The following HS6ST3 variants were observed in gnomAD, a reference collection of about 807,000 sequenced individuals.
The protein encoded by HS6ST3 is heparan sulfate 6-O-sulfotransferase 3.
In HS6ST3, 12 loss-of-function variants were observed where a neutral mutation model predicts 36.7. The ratio of observed to expected loss-of-function variants is 0.33; its 90% confidence interval spans 0.21 to 0.53. HS6ST3 has a LOEUF of 0.53. Among genes scored for constraint, HS6ST3 ranks in the 20% least tolerant of loss-of-function variants. The pLI is 0.95. For missense variants in HS6ST3, 584 were observed against 640.9 expected, an observed-to-expected ratio of 0.91 and a Z score of 0.96; for synonymous variants, 240 against 257.5, an observed-to-expected ratio of 0.93 and a Z score of 0.65.
chr13:96,105,641 TTC>T (rs987965708), intron 1 of HS6ST3, among the ~76,000 whole-genome samples: 7 of 152,062 alleles, frequency 4.6e-5, no homozygotes, highest in African/African-American at 1.7e-4. Context: ...CAGAGTGAAT[TTC>T]TGTCTCAAAA....
intron 1 of HS6ST3, among the ~76,000 whole-genome samples, chr13:96,517,700 G>T (rs1230929552): frequency 2.0e-5 from 3 of 151,980 alleles, no homozygotes; most frequent in African/African-American, 7.3e-5. Flanking sequence ...TAATCACTCA[G>T]GTACTAAGCC....
intron 1 of HS6ST3, among the ~76,000 whole-genome samples, chr13:96,424,195 A>G (rs1463298082): frequency 1.3e-5 from 2 of 152,198 alleles, no homozygotes; most frequent in East Asian, 1.9e-4. Flanking sequence ...AAAGCATGGA[A>G]TATTTCCAAT....
At chr13:96,179,233 A>G (rs1487110946) in intron 1 of HS6ST3, among the ~76,000 whole-genome samples, 1 of 152,198 alleles carries the variant, frequency 6.6e-6, no homozygotes, top group Non-Finnish European at 1.5e-5. Context: ...TTTTTAACAG[A>G]TGGGACCCCA....
At chr13:96,463,706 T>C (rs888112534) in intron 1 of HS6ST3, among the ~76,000 whole-genome samples, 7 of 151,944 alleles carry the variant, frequency 4.6e-5, no homozygotes, top group African/African-American at 1.7e-4. Flanking sequence ...AAATAACTAG[T>C]AGGCAGATTA....
intron 1 of HS6ST3, among the ~76,000 whole-genome samples, chr13:96,375,724 G>T (rs1490792116): frequency 6.6e-6 from 1 of 152,222 alleles, no homozygotes; most frequent in Non-Finnish European, 1.5e-5. Context: ...AACTACATTT[G>T]ACCTTGAATG....
chr13:96,551,776 C>T (rs946982315), intron 1 of HS6ST3, among the ~76,000 whole-genome samples: 1 of 152,134 alleles, frequency 6.6e-6, no homozygotes, highest in African/African-American at 2.4e-5. Flanking sequence ...CGTCACACAT[C>T]GCCACCCGCC....
rs182981317 is a variant in HS6ST3 at position 96,628,727 on chromosome 13, T to C, written c.708-203763T>C. ...TAAACTTTTTAATCACTTTTTTTCC[T>C]CCTTAGAGTCTACTCTTTTTGTGAT... On this transcript the variant is annotated intron_variant, in intron 1 of 1. Transcript: ENST00000376705. 2.0e-5 allele frequency among the ~76,000 whole-genome samples: 3 copies of C among 152,246 alleles called. No individual in the cohort carries two copies. In the East Asian group the frequency reaches 5.8e-4, roughly 29 times the overall value.
Position 96,833,948 on chromosome 13 carries a change from A to C in HS6ST3, c.*750A>C, listed in dbSNP as rs1294705776. 2 of 152,150 alleles carry C rather than the reference A, an allele frequency of 1.3e-5. No homozygotes were observed. Among genetic ancestry groups the C allele is most frequent in the Non-Finnish European group, 2.9e-5 (2 of 68,038 alleles). The allele number at this position is 152,150 out of a possible 1,614,324, so 9.4% of individuals were successfully genotyped here. A position where few individuals can be genotyped will look rare whatever the true frequency, so the allele number is the denominator to read the frequency against. ...ACATTGGTAGGAGCATTTAAGAGAAAACTTGCTTATTTGCTAATGCCTAAA... is the reference window on the plus strand; with the variant it reads ...ACATTGGTAGGAGCATTTAAGAGAACACTTGCTTATTTGCTAATGCCTAAA... On this transcript the variant is annotated 3_prime_UTR_variant, in exon 2 of 2. Transcript: ENST00000376705.
intron 1 of HS6ST3, among the ~76,000 whole-genome samples, chr13:96,220,294 A>G (rs1298523401): frequency 6.6e-6 from 1 of 152,210 alleles, no homozygotes; most frequent in African/African-American, 2.4e-5. Flanking sequence ...GATCATCTGG[A>G]GGGAAAATAT....
At chr13:96,709,110 T>G (rs1346937494) in intron 1 of HS6ST3, among the ~76,000 whole-genome samples, 2 of 152,152 alleles carry the variant, frequency 1.3e-5, no homozygotes, top group Admixed American at 1.3e-4. Flanking sequence ...CTTGTGATAG[T>G]GAGTGAGTTC....
At chr13:96,768,735 G>A (rs1262778383) in intron 1 of HS6ST3, among the ~76,000 whole-genome samples, 1 of 151,850 alleles carries the variant, frequency 6.6e-6, no homozygotes, top group African/African-American at 2.4e-5. Flanking sequence ...CATCGATCCC[G>A]TGAGTCATTT....
chr13:96,469,182 G>A (rs1373128482), intron 1 of HS6ST3, among the ~76,000 whole-genome samples: 2 of 152,074 alleles, frequency 1.3e-5, no homozygotes, highest in Non-Finnish European at 2.9e-5. Flanking sequence ...TCCCATGCAT[G>A]TTTTGTAATG....
intron 1 of HS6ST3, among the ~76,000 whole-genome samples, chr13:96,308,698 A>G (rs907411835): frequency 2.0e-5 from 3 of 152,120 alleles, no homozygotes; most frequent in Admixed American, 1.3e-4. Flanking sequence ...TCTGGTATTC[A>G]GCAAGAACCC....
Position 96,090,594 on chromosome 13 carries a change from C to CGGGCGCACCCGGGAGCGCA in HS6ST3, c.-262_-244dup, listed in dbSNP as rs2053755847. Among the ~76,000 whole-genome samples the CGGGCGCACCCGGGAGCGCA allele has an allele frequency of 6.8e-6, 1 of 146,044 alleles. No individual in the cohort carries two copies. The highest frequency in any genetic ancestry group is 6.8e-5 in the Admixed American group (1 of 14,734). ...GGCGGGAGCAGGGAGCGGGCCGGCCCGGGCGCACCCGGGAGCGCAGGGCGC... is the reference window on the plus strand; with the variant it reads ...GGCGGGAGCAGGGAGCGGGCCGGCCCGGGCGCACCCGGGAGCGCAGGGCGCACCCGGGAGCGCAGGGCGC... On this transcript the variant is annotated 5_prime_UTR_variant, in exon 1 of 2. Coordinates refer to ENST00000376705, the MANE Select transcript of HS6ST3 (RefSeq NM_153456.4).
intron 1 of HS6ST3, among the ~76,000 whole-genome samples, chr13:96,783,228 A>G (rs986308637): frequency 4.6e-5 from 7 of 152,196 alleles, no homozygotes; most frequent in South Asian, 2.1e-4. Flanking sequence ...TTTCTTAGGA[A>G]TACAACAGCT....
At chr13:96,198,438 T>G (rs1191479222) in intron 1 of HS6ST3, among the ~76,000 whole-genome samples, 1 of 152,240 alleles carries the variant, frequency 6.6e-6, no homozygotes, top group Non-Finnish European at 1.5e-5. Flanking sequence ...TTCTATCACA[T>G]AGTCAGGCTG....
intron 1 of HS6ST3, among the ~76,000 whole-genome samples, chr13:96,726,035 G>A (rs549790028): frequency 9.9e-5 from 15 of 152,012 alleles, no homozygotes; most frequent in South Asian, 2.1e-4. Flanking sequence ...ACCGGGTTTC[G>A]CCATCTTGGC....
At chr13:96,224,326 GT>G (rs1457711693) in intron 1 of HS6ST3, among the ~76,000 whole-genome samples, 1 of 152,016 alleles carries the variant, frequency 6.6e-6, no homozygotes, top group African/African-American at 2.4e-5. Context: ...GAGATGAGCT[GT>G]TTGTCACTTT....
At chr13:96,351,974 A>G (rs769192595) in intron 1 of HS6ST3, among the ~76,000 whole-genome samples, 1 of 152,220 alleles carries the variant, frequency 6.6e-6, no homozygotes, top group Non-Finnish European at 1.5e-5. Context: ...CAACACAAAT[A>G]ATAAGGGAAG....
Sources: allele counts gnomAD v4.1 joint callset (sites outside exome capture counted in the v4.1 genomes callset), GRCh38; gene constraint gnomAD v4.1.1; transcripts MANE v1.5; gene names NCBI Gene and HGNC (gene_info 2026-07-23, HGNC 2026-07-21).